Variants in MAGI2 observed in about 807,000 individuals in gnomAD.
MAGI2 encodes the protein membrane associated guanylate kinase, WW and PDZ domain containing 2.
Under a neutral mutation model 133.3 loss-of-function variants are expected in MAGI2, and 35 were observed. The observed-to-expected ratio is 0.26, with a 90% CI of 0.20 to 0.35. The LOEUF is 0.35. Ranked by LOEUF, MAGI2 falls within the 10% of genes least tolerant of loss-of-function variation. The pLI is 1.00. For synonymous variants in MAGI2, 729 were observed against 710.6 expected (o/e 1.03, Z -0.41); for missense variants, 1,636 against 1,863.4 (o/e 0.88, Z 2.25).
At chr7:78,664,876 T>TA (rs1258200921) in intron 2 of MAGI2, among the ~76,000 whole-genome samples, 3 of 152,032 alleles carry the variant, frequency 2.0e-5, no homozygotes, top group African/African-American at 7.2e-5. Context: ...ATTCTCATAG[T>TA]AAAAAATACT....
intron 2 of MAGI2, among the ~76,000 whole-genome samples, chr7:78,659,209 G>A (rs1243767131): frequency 6.6e-6 from 1 of 151,954 alleles, no homozygotes; most frequent in African/African-American, 2.4e-5. Flanking sequence ...TCAGCACTTT[G>A]GGAGGCCGAG....
intron 16 of MAGI2, among the ~76,000 whole-genome samples, chr7:78,138,648 C>T (rs965038796): frequency 4.4e-4 from 66 of 151,060 alleles, no homozygotes; most frequent in South Asian, 1.9e-3. Flanking sequence ...CACACACACA[C>T]ACACACACAC....
intron 1 of MAGI2, among the ~76,000 whole-genome samples, chr7:79,254,542 GTAAC>G (rs1368902404): frequency 6.6e-6 from 1 of 152,148 alleles, no homozygotes; most frequent in Non-Finnish European, 1.5e-5. Flanking sequence ...GATGTAAAGA[GTAAC>G]TAAGAATACA....
chr7:79,138,907 C>T (rs546408861), intron 1 of MAGI2, among the ~76,000 whole-genome samples: 61 of 140,112 alleles, frequency 4.4e-4, no homozygotes, highest in Non-Finnish European at 7.6e-4. Flanking sequence ...ACCCGGGAGG[C>T]GGAGCTTGCA....
intron 3 of MAGI2, among the ~76,000 whole-genome samples, chr7:78,536,933 A>T (rs920367189): frequency 1.3e-5 from 2 of 151,912 alleles, no homozygotes; most frequent in Non-Finnish European, 2.9e-5. Context: ...CTCTGTACCC[A>T]ATGTGTAGTC....
At chr7:79,395,579 G>C (rs1031483152) in intron 1 of MAGI2, among the ~76,000 whole-genome samples, 2 of 152,228 alleles carry the variant, frequency 1.3e-5, no homozygotes, top group African/African-American at 4.8e-5. Flanking sequence ...TATTCTACAT[G>C]TTTAGAATAT....
In MAGI2 at chr7:78,598,176, G is replaced by A. The variant is rs112030505; in HGVS notation, c.538+28944C>T. 7.9e-3 allele frequency among the ~76,000 whole-genome samples: 1,203 copies of A among 152,106 alleles called. 19 individuals are homozygous for A. Among genetic ancestry groups the A allele is most frequent in the African/African-American group, 0.028 (1,149 of 41,492 alleles). ...AGTAAGGTATCATGTTAAACTCTAG[G>A]GATATCATTGTAAACAAAATAATTA... On this transcript the variant is annotated intron_variant, in intron 3 of 21. Coordinates refer to ENST00000354212, the MANE Select transcript of MAGI2 (RefSeq NM_012301.4).
chr7:78,570,796 CTTCT>C (rs1302780362), intron 3 of MAGI2, among the ~76,000 whole-genome samples: 5 of 152,084 alleles, frequency 3.3e-5, no homozygotes, highest in Admixed American at 6.5e-5. Context: ...TATTTCTGTG[CTTCT>C]TTGTTTTGAT....
chr7:78,622,106 A>G (rs1807808444), intron 3 of MAGI2, among the ~76,000 whole-genome samples: 1 of 152,010 alleles, frequency 6.6e-6, no homozygotes, highest in Non-Finnish European at 1.5e-5. Context: ...TAAATGCACC[A>G]ATTTTGGAAG....
intron 2 of MAGI2, among the ~76,000 whole-genome samples, chr7:78,999,963 C>T (rs956373719): frequency 3.3e-5 from 5 of 152,116 alleles, no homozygotes; most frequent in Admixed American, 6.6e-5. Context: ...ATGCTTTACA[C>T]TCTAAAAGGA....
At chr7:78,404,653 T>C (rs953886996) in intron 6 of MAGI2, among the ~76,000 whole-genome samples, 3 of 152,130 alleles carry the variant, frequency 2.0e-5, no homozygotes, top group Non-Finnish European at 4.4e-5. Flanking sequence ...CCTTATACCT[T>C]ATACAAAAAT....
intron 9 of MAGI2, among the ~76,000 whole-genome samples, chr7:78,281,667 G>A (rs1208017650): frequency 6.6e-6 from 1 of 151,124 alleles, no homozygotes; most frequent in Non-Finnish European, 1.5e-5. Context: ...GTCACAAGTA[G>A]AGTCTGGCAG....
At chr7:78,487,025 C>A in intron 6 of MAGI2, 1 of 513,024 alleles carries the variant, frequency 1.9e-6, no homozygotes, top group Non-Finnish European at 3.9e-6. Flanking sequence ...AGAAATGTAA[C>A]CAACGAAGGA....
intron 2 of MAGI2, among the ~76,000 whole-genome samples, chr7:78,847,804 A>ATTTG (rs200483554): frequency 0.026 from 3,890 of 151,722 alleles, 69 homozygotes; most frequent in Middle Eastern, 0.044. Flanking sequence ...AATTTTATTT[A>ATTTG]TTTGTTTGTT....
chr7:79,386,901 A>G (rs1844220793), intron 1 of MAGI2, among the ~76,000 whole-genome samples: 2 of 152,022 alleles, frequency 1.3e-5, no homozygotes, highest in Non-Finnish European at 1.5e-5. Flanking sequence ...ACAAGGAGCC[A>G]TTCTGAAGCA....
At chr7:78,530,452 T>C (rs1797366847) in intron 3 of MAGI2, among the ~76,000 whole-genome samples, 1 of 152,234 alleles carries the variant, frequency 6.6e-6, no homozygotes, top group Non-Finnish European at 1.5e-5. Context: ...ATGAATGTTT[T>C]AGGCAAATAA....
intron 3 of MAGI2, among the ~76,000 whole-genome samples, chr7:78,599,742 C>T (rs987322670): frequency 1.3e-5 from 2 of 152,152 alleles, no homozygotes; most frequent in African/African-American, 2.4e-5. Context: ...CTCAGGTTCT[C>T]CCCTAATTTG....
intron 21 of MAGI2, among the ~76,000 whole-genome samples, chr7:78,028,963 G>T (rs1809267921): frequency 6.6e-6 from 1 of 151,850 alleles, no homozygotes; most frequent in African/African-American, 2.4e-5. Flanking sequence ...TAGTAAGTGA[G>T]AATCAGGATA....
At chr7:78,067,806 T>C (rs770920923) in intron 21 of MAGI2, among the ~76,000 whole-genome samples, 4 of 152,178 alleles carry the variant, frequency 2.6e-5, no homozygotes, top group Admixed American at 6.5e-5. Flanking sequence ...GAACAGGACA[T>C]TGGGGCAATG....
Sources: allele counts gnomAD v4.1 joint callset (sites outside exome capture counted in the v4.1 genomes callset), GRCh38; gene constraint gnomAD v4.1.1; transcripts MANE v1.5; gene names NCBI Gene and HGNC (gene_info 2026-07-23, HGNC 2026-07-21).